RSU1: variants seen among roughly 807,000 people sequenced by gnomAD.
The protein encoded by RSU1 is Ras suppressor protein 1, also known as rsu-1.
RSU1 carries 26 observed loss-of-function variants against 31.1 expected under a neutral mutation model. The ratio of observed to expected loss-of-function variants is 0.84; its 90% CI spans 0.61 to 1.16. RSU1 has a LOEUF of 1.16. Ranked by LOEUF, RSU1 falls within the 50% of genes most tolerant of loss-of-function variation. The probability of loss-of-function intolerance (pLI) is 0.00; values close to 1 mark genes in which losing one functional copy is unlikely to be tolerated. For missense variants in RSU1, 320 were observed against 339.1 expected (o/e 0.94, Z 0.44); for synonymous variants, 164 against 136.3 (o/e 1.20, Z -1.41).
intron 8 of RSU1, among the ~76,000 whole-genome samples, chr10:16,631,610 G>GAAAATGGCAAAACTT (rs1166937861): frequency 6.6e-6 from 1 of 152,184 alleles, no homozygotes; most frequent in African/African-American, 2.4e-5. Flanking sequence ...TTTTAAAAGT[G>GAAAATGGCAAAACTT]AAAAGTGTCA....
At chr10:16,753,365 G>A (rs1453662321) in intron 5 of RSU1, among the ~76,000 whole-genome samples, 1 of 152,138 alleles carries the variant, frequency 6.6e-6, no homozygotes, top group Non-Finnish European at 1.5e-5. Flanking sequence ...GAACACTACT[G>A]TGCCACTTTT....
intron 8 of RSU1, among the ~76,000 whole-genome samples, chr10:16,638,278 G>A (rs973743597): frequency 2.0e-5 from 3 of 152,072 alleles, no homozygotes; most frequent in Non-Finnish European, 4.4e-5. Flanking sequence ...AGGTTTCCAA[G>A]CTCATTTGAA....
At chr10:16,715,524 C>T (rs34005807) in intron 7 of RSU1, among the ~76,000 whole-genome samples, 3,014 of 152,204 alleles carry the variant, frequency 0.02, 39 homozygotes, top group Middle Eastern at 0.034. Context: ...TTGCATATGC[C>T]TATGTAGTTT....
At chr10:16,804,630 A>G (rs1360043724) in intron 2 of RSU1, among the ~76,000 whole-genome samples, 2 of 152,246 alleles carry the variant, frequency 1.3e-5, no homozygotes, top group East Asian at 3.8e-4. Flanking sequence ...AGTATTATTC[A>G]CTGCTAAAAA....
At chr10:16,753,441 A>G (rs1393228789) in intron 5 of RSU1, among the ~76,000 whole-genome samples, 1 of 152,196 alleles carries the variant, frequency 6.6e-6, no homozygotes, top group African/African-American at 2.4e-5. Context: ...ACCTTTTCCT[A>G]TGTAAATAGC....
At chr10:16,617,786 A>T (rs1208783258) in intron 8 of RSU1, among the ~76,000 whole-genome samples, 2 of 152,242 alleles carry the variant, frequency 1.3e-5, no homozygotes, top group African/African-American at 4.8e-5. Flanking sequence ...CCATATGCAG[A>T]AAACAGAAAC....
intron 8 of RSU1, among the ~76,000 whole-genome samples, chr10:16,607,697 C>T (rs1227556409): frequency 1.3e-5 from 2 of 152,184 alleles, no homozygotes; most frequent in African/African-American, 2.4e-5. Flanking sequence ...CAGGGTTGGG[C>T]ATCTGAATGG....
At chr10:16,772,759 A>C (rs180791938) in intron 3 of RSU1, among the ~76,000 whole-genome samples, 1 of 151,928 alleles carries the variant, frequency 6.6e-6, no homozygotes, top group African/African-American at 2.4e-5. Flanking sequence ...TGCCTTTACT[A>C]TGTATAATAT....
Position 16,785,439 on chromosome 10 carries a change from T to TACACATATATACATATATATATAC in RSU1, c.110-3356_110-3355insGTATATATATATGTATATATGTGT, listed in dbSNP as rs1588534090. On this transcript the variant is annotated intron_variant, in intron 2 of 8. Transcript: ENST00000345264. ...ATATACATATATACATATATATATA[T>TACACATATATACATATATATATAC]ACACATATATACATATATACATATA... Among the ~76,000 whole-genome samples, 3 of 128,364 alleles carry TACACATATATACATATATATATAC rather than the reference T, an allele frequency of 2.3e-5. No homozygotes were observed. The East Asian group carries it at 7.3e-4, about 31-fold the overall frequency. The allele number at this position is 128,364 out of a possible 152,430, so 84.2% of individuals were successfully genotyped here.
At chr10:16,714,410 T>C (rs575339634) in intron 7 of RSU1, among the ~76,000 whole-genome samples, 10 of 152,156 alleles carry the variant, frequency 6.6e-5, no homozygotes, top group Non-Finnish European at 1.2e-4. Context: ...AGGCTAGACA[T>C]AGAATAGCAG....
intron 2 of RSU1, among the ~76,000 whole-genome samples, chr10:16,799,452 A>G (rs563119882): frequency 6.6e-6 from 1 of 152,220 alleles, no homozygotes; most frequent in East Asian, 1.9e-4. Context: ...GAATGCCTCA[A>G]GGGTAACTGC....
chr10:16,699,599 C>A (rs920512561), intron 7 of RSU1, among the ~76,000 whole-genome samples: 4 of 152,228 alleles, frequency 2.6e-5, no homozygotes, highest in Admixed American at 1.3e-4. Flanking sequence ...CCTCACCCAT[C>A]CCCTTTATTA....
At chr10:16,608,750 A>G (rs1476726655) in intron 8 of RSU1, among the ~76,000 whole-genome samples, 5 of 150,488 alleles carry the variant, frequency 3.3e-5, no homozygotes, top group Non-Finnish European at 4.4e-5. Context: ...AGTTTTTTGG[A>G]AAAAAAAAAT....
chr10:16,656,749 A>G (rs1013686672), intron 8 of RSU1, among the ~76,000 whole-genome samples: 1 of 152,252 alleles, frequency 6.6e-6, no homozygotes, highest in African/African-American at 2.4e-5. Flanking sequence ...TAAACACAAC[A>G]TGTAATGCAC....
At chr10:16,783,453 T>A (rs1837700298) in intron 2 of RSU1, among the ~76,000 whole-genome samples, 1 of 147,976 alleles carries the variant, frequency 6.8e-6, no homozygotes, top group Non-Finnish European at 1.5e-5. Context: ...CCTCCCAAGT[T>A]CAAGCGATTC....
intron 8 of RSU1, among the ~76,000 whole-genome samples, chr10:16,637,196 T>C (rs1190433574): frequency 1.3e-5 from 2 of 152,218 alleles, no homozygotes; most frequent in Non-Finnish European, 1.5e-5. Flanking sequence ...AAATTCAATC[T>C]TGCCCCCACA....
intron 7 of RSU1, among the ~76,000 whole-genome samples, chr10:16,703,804 G>C (rs898680745): frequency 1.3e-5 from 2 of 152,162 alleles, no homozygotes; most frequent in African/African-American, 4.8e-5. Context: ...TATGAACAGA[G>C]AAAAGACTGG....
chr10:16,727,618 G>A (rs1006973571), intron 7 of RSU1, among the ~76,000 whole-genome samples: 6 of 152,146 alleles, frequency 3.9e-5, no homozygotes, highest in East Asian at 1.9e-4. Context: ...AGAACATTTC[G>A]TATTTTTCAC....
At chr10:16,662,983 A>AAC (rs1412223251) in intron 8 of RSU1, among the ~76,000 whole-genome samples, 2 of 151,748 alleles carry the variant, frequency 1.3e-5, no homozygotes, top group African/African-American at 4.9e-5. Flanking sequence ...TTAAAAAAAA[A>AAC]AAAAAACCCT....
Sources: gnomAD v4.1 joint callset for allele counts (sites outside exome capture counted in the v4.1 genomes callset) on GRCh38, gnomAD v4.1.1 for gene constraint, MANE v1.5 for transcripts, NCBI Gene and HGNC (gene_info 2026-07-23, HGNC 2026-07-21) for gene names.